Variants in DGKB observed in about 807,000 individuals in gnomAD.
DGKB encodes diacylglycerol kinase beta, also known as 90 kDa diacylglycerol kinase.
A neutral mutation model predicts 114.3 loss-of-function variants in DGKB; 67 were observed. That is an observed-to-expected ratio of 0.59 (90% CI 0.48 to 0.72). The LOEUF (loss-of-function observed/expected upper bound fraction) is 0.72. DGKB is among the 30% of genes least tolerant of loss of function. DGKB has a pLI of 0.00. For missense variants in DGKB, 907 were observed against 975.2 expected (o/e 0.93, Z 0.93); for synonymous variants, 398 against 323.1 (o/e 1.23, Z -2.49).
intron 6 of DGKB, among the ~76,000 whole-genome samples, chr7:14,702,462 C>A (rs913166924): frequency 1.3e-5 from 2 of 152,060 alleles, no homozygotes; most frequent in African/African-American, 4.8e-5. Flanking sequence ...TTGAACTAAT[C>A]AAGTAAGGGA....
intron 20 of DGKB, among the ~76,000 whole-genome samples, chr7:14,528,371 T>A (rs1261188171): frequency 2.6e-5 from 4 of 152,110 alleles, no homozygotes; most frequent in Non-Finnish European, 5.9e-5. Context: ...GTGGTGTGAA[T>A]GTCTACAATA....
chr7:14,745,922 C>A (rs1200347502), intron 4 of DGKB, among the ~76,000 whole-genome samples: 1 of 152,186 alleles, frequency 6.6e-6, no homozygotes, highest in African/African-American at 2.4e-5. Flanking sequence ...CTTGACTCTT[C>A]TTTTTTCAGC....
At chr7:14,941,854 TAAG>T (rs1785587959) in intron 1 of DGKB, among the ~76,000 whole-genome samples, 4 of 152,196 alleles carry the variant, frequency 2.6e-5, no homozygotes, top group African/African-American at 9.6e-5. Context: ...ACAGGCATAA[TAAG>T]GTATAATTTC....
At chr7:14,874,063 A>C (rs1326013799) in intron 1 of DGKB, among the ~76,000 whole-genome samples, 1 of 152,104 alleles carries the variant, frequency 6.6e-6, no homozygotes, top group African/African-American at 2.4e-5. Context: ...CAGTACACCT[A>C]TGTATCAAAC....
At chr7:14,769,902 G>A (rs1052961274) in intron 2 of DGKB, among the ~76,000 whole-genome samples, 3 of 152,008 alleles carry the variant, frequency 2.0e-5, no homozygotes, top group Non-Finnish European at 4.4e-5. Context: ...TAATCTCATC[G>A]TGATATATTT....
At chr7:14,586,765 A>C (rs1270046086) in intron 17 of DGKB, among the ~76,000 whole-genome samples, 1 of 152,008 alleles carries the variant, frequency 6.6e-6, no homozygotes, top group Non-Finnish European at 1.5e-5. Flanking sequence ...CCTGTGCACT[A>C]TAAATGGTGG....
At chr7:14,243,106 T>C (rs1793931085) in intron 23 of DGKB, among the ~76,000 whole-genome samples, 1 of 152,072 alleles carries the variant, frequency 6.6e-6, no homozygotes, top group Non-Finnish European at 1.5e-5. Context: ...TGTAAGCCTA[T>C]TTTTAGGTAA....
In DGKB at chr7:14,965,575, G is replaced by A. The variant is rs575096006; in HGVS notation, c.-188+9121C>T. Among the ~76,000 whole-genome samples the A allele has an allele frequency of 3.9e-5, 6 of 152,172 alleles. No homozygotes were observed. In the South Asian group the frequency reaches 1.0e-3, roughly 26 times the overall value. On this transcript the variant is annotated intron_variant, in intron 1 of 4. Transcript: ENST00000437998. ...ACTTTTTTCTTATGGATTGGTAGCA[G>A]TGTATATTCATGGTTATCAATTAAT...
At chr7:14,172,252 G>A (rs1171244390) in intron 25 of DGKB, among the ~76,000 whole-genome samples, 1 of 152,170 alleles carries the variant, frequency 6.6e-6, no homozygotes, top group East Asian at 1.9e-4. Flanking sequence ...CAGACAGAGA[G>A]TAACTAAACA....
intron 1 of DGKB, among the ~76,000 whole-genome samples, chr7:14,888,056 C>A (rs1415946758): frequency 2.6e-5 from 4 of 151,634 alleles, no homozygotes; most frequent in Admixed American, 6.6e-5. Context: ...GTAGTGCAAT[C>A]TTACCAATGA....
At chr7:14,824,271 T>C (rs774338658) in intron 2 of DGKB, among the ~76,000 whole-genome samples, 56 of 147,436 alleles carry the variant, frequency 3.8e-4, no homozygotes, top group Admixed American at 2.7e-4. Flanking sequence ...GTTCTCCTCA[T>C]TTTTTTTCTC....
At chr7:14,891,786 T>A (rs371429466) in intron 1 of DGKB, among the ~76,000 whole-genome samples, 8 of 151,404 alleles carry the variant, frequency 5.3e-5, no homozygotes, top group African/African-American at 1.9e-4. Flanking sequence ...AAATATGAAG[T>A]ACCTGGGTGG....
At chr7:14,265,369 CTTAACA>C (rs940463137) in intron 23 of DGKB, among the ~76,000 whole-genome samples, 3 of 103,736 alleles carry the variant, frequency 2.9e-5, no homozygotes, top group African/African-American at 4.1e-5. Context: ...TATTACCCAT[CTTAACA>C]TTAACTAGCC....
chr7:14,767,061 CA>C (rs1836560217), intron 2 of DGKB, among the ~76,000 whole-genome samples: 1 of 150,702 alleles, frequency 6.6e-6, no homozygotes, highest in African/African-American at 2.4e-5. Flanking sequence ...GCAACTCATT[CA>C]AAAACAATTT....
At chr7:14,868,753 T>C (rs535923590) in intron 1 of DGKB, among the ~76,000 whole-genome samples, 23 of 152,246 alleles carry the variant, frequency 1.5e-4, no homozygotes, top group African/African-American at 5.5e-4. Context: ...AGAAGGTAAA[T>C]TTTCCTTCTT....
intron 13 of DGKB, among the ~76,000 whole-genome samples, chr7:14,671,690 T>C (rs992686243): frequency 6.6e-6 from 1 of 151,972 alleles, no homozygotes; most frequent in Non-Finnish European, 1.5e-5. Flanking sequence ...GACAGATGGG[T>C]AGTAGGAAGA....
chr7:14,871,816 T>C (rs1179799659), intron 1 of DGKB, among the ~76,000 whole-genome samples: 2 of 152,210 alleles, frequency 1.3e-5, no homozygotes, highest in East Asian at 1.9e-4. Flanking sequence ...GGTGTGGTGA[T>C]GGATGGCATC....
rs866613325 is a variant in DGKB, at chr7:14,886,638, C to T, written c.-188+15954G>A. 9.2e-5 allele frequency among the ~76,000 whole-genome samples: 14 copies of T among 151,944 alleles called. No individual in the cohort carries two copies. The South Asian group carries it at 1.2e-3, about 14-fold the overall frequency. On this transcript the variant is annotated intron_variant, in intron 1 of 25. Transcript: ENST00000402815. ...TATCACTACAATTTCTCTTTCTCAC[C>T]GTTGACACCATTACTGCAGTAATCT...
chr7:14,508,400 A>T (rs1254365363), intron 20 of DGKB, among the ~76,000 whole-genome samples: 2 of 152,342 alleles, frequency 1.3e-5, no homozygotes, highest in East Asian at 1.9e-4. Context: ...CATTCATTTA[A>T]ATAACCCATT....
Sources: allele counts gnomAD v4.1 joint callset (sites outside exome capture counted in the v4.1 genomes callset), GRCh38; gene constraint gnomAD v4.1.1; transcripts MANE v1.5; gene names NCBI Gene and HGNC (gene_info 2026-07-23, HGNC 2026-07-21).